SVIL: variants seen among roughly 807,000 people sequenced by gnomAD.
SVIL encodes the protein supervillin, also known as archvillin.
A neutral mutation model predicts 240.4 loss-of-function variants in SVIL; 101 were observed. That is an observed-to-expected ratio of 0.42 (90% CI 0.36 to 0.50). The LOEUF (loss-of-function observed/expected upper bound fraction) is 0.50, where lower values mean the gene tolerates loss of function less well. Ranked by LOEUF, SVIL falls within the 20% of genes least tolerant of loss-of-function variation. SVIL has a pLI of 0.01. For missense variants in SVIL, 2,512 were observed against 2,818.7 expected (o/e 0.89, Z 2.46); for synonymous variants, 999 against 1,100.0 (o/e 0.91, Z 1.82).
At chr10:29,545,853 C>CAAAA (rs755360700) in intron 6 of SVIL, among the ~76,000 whole-genome samples, 90 of 63,592 alleles carry the variant, frequency 1.4e-3, no homozygotes, top group African/African-American at 1.7e-3. Context: ...GACTCTGTCT[C>CAAAA]AAAAAAAAAA....
chr10:29,493,435 A>C (rs1948150637), intron 20 of SVIL, 44 bp from the exon 21 acceptor site: 1 of 1,603,644 alleles, frequency 6.2e-7, no homozygotes. Flanking sequence ...TATAAAAACA[A>C]GGACTCCAAT....
At chr10:29,531,001 C>T (rs1362807669) in intron 10 of SVIL, among the ~76,000 whole-genome samples, 1 of 152,168 alleles carries the variant, frequency 6.6e-6, no homozygotes, top group African/African-American at 2.4e-5. Flanking sequence ...ACAAGAAGAA[C>T]CTGCTCCTTT....
intron 20 of SVIL, among the ~76,000 whole-genome samples, chr10:29,494,218 A>G (rs1301179703): frequency 1.3e-5 from 2 of 152,230 alleles, no homozygotes; most frequent in Non-Finnish European, 2.9e-5. Context: ...GGATTTGGCA[A>G]TGGCCATCGT....
At chr10:29,557,404 G>A (rs533195534) in intron 3 of SVIL, among the ~76,000 whole-genome samples, 1 of 151,996 alleles carries the variant, frequency 6.6e-6, no homozygotes. Context: ...GGCCTAACAT[G>A]TCCCTTTTCT....
intron 3 of SVIL, among the ~76,000 whole-genome samples, chr10:29,562,769 GAAAAAAAAA>G (rs34507610): frequency 3.5e-5 from 4 of 115,718 alleles, no homozygotes; most frequent in Non-Finnish European, 7.0e-5. Context: ...TCAAAAAAAA[GAAAAAAAAA>G]AAAAAAAAAA....
upstream of SVIL, among the ~76,000 whole-genome samples, chr10:29,639,547 C>A (rs1958419317): frequency 6.7e-6 from 1 of 149,634 alleles, no homozygotes; most frequent in Admixed American, 6.7e-5. Flanking sequence ...CGGCTCACTG[C>A]AACCTTCACC....
Position 29,532,116 on chromosome 10 carries a change from C to T in SVIL, c.1895G>A (p.Arg632Gln), listed in dbSNP as rs780406686. 1.5e-5 allele frequency: 25 copies of T among 1,613,910 alleles called. No homozygotes were observed. The highest frequency in any genetic ancestry group is 6.7e-5 in the Admixed American group (4 of 60,002). The change falls in exon 9 of 38, where the codon CGG (arginine) becomes CAG (glutamine). Residue 632 changes from arginine to glutamine, a missense_variant. Physicochemically the swap from Arg to Gln is conservative, Grantham distance 43 (BLOSUM62 1). This residue lies in a region of SVIL where 1,443 missense variants were observed against 1,486.6 expected (regional missense o/e 0.97). Coordinates refer to ENST00000355867, the MANE Select transcript of SVIL (RefSeq NM_021738.3). Reference sequence around the variant, plus strand: ...TCTTGGTTTCCGGGACCCTCTCTCCCGTTCCACACCGGTGGGCAAGCCAGG... The same window carrying T: ...TCTTGGTTTCCGGGACCCTCTCTCCTGTTCCACACCGGTGGGCAAGCCAGG... ...EGPGLPTGVE[R>Q]ERGSRKPRRY...
intron 1 of SVIL, among the ~76,000 whole-genome samples, chr10:29,689,862 A>G (rs1262323169): frequency 2.6e-5 from 4 of 152,204 alleles, no homozygotes; most frequent in African/African-American, 9.6e-5. Context: ...ACACTGCAAA[A>G]CTTTCCCCCA....
intron 1 of SVIL, among the ~76,000 whole-genome samples, chr10:29,579,361 C>A (rs935057604): frequency 8.5e-5 from 13 of 152,076 alleles, no homozygotes; most frequent in Admixed American, 3.3e-4. Context: ...TGGCATGAAC[C>A]CCAGAGGTGG....
intron 3 of SVIL, among the ~76,000 whole-genome samples, chr10:29,642,153 C>CT (rs1216584657): frequency 6.6e-6 from 1 of 152,088 alleles, no homozygotes; most frequent in Admixed American, 6.6e-5. Flanking sequence ...AATCCCAGGA[C>CT]TTTGGGAGGC....
intron 17 of SVIL, among the ~76,000 whole-genome samples, chr10:29,502,946 A>G (rs1949015812): frequency 6.6e-6 from 1 of 152,250 alleles, no homozygotes; most frequent in Non-Finnish European, 1.5e-5. Context: ...AAGATGTATT[A>G]TAAGGATTAG....
intron 3 of SVIL, among the ~76,000 whole-genome samples, chr10:29,560,915 G>T (rs929691221): frequency 6.7e-6 from 1 of 148,556 alleles, no homozygotes. Context: ...CTTGGCTCAC[G>T]GCAACCTCCG....
chr10:29,655,272 T>A (rs2133021971), intron 3 of SVIL, among the ~76,000 whole-genome samples: 1 of 152,188 alleles, frequency 6.6e-6, no homozygotes, highest in South Asian at 2.1e-4. Context: ...GCCTCAAAAC[T>A]GGGGAAGTCA....
At chr10:29,682,827 T>A (rs576734776) in intron 2 of SVIL, among the ~76,000 whole-genome samples, 1 of 152,370 alleles carries the variant, frequency 6.6e-6, no homozygotes, top group South Asian at 2.1e-4. Flanking sequence ...ACTATTCACC[T>A]GTCCTCATAG....
chr10:29,636,527 C>A (rs1284269077), upstream of SVIL, among the ~76,000 whole-genome samples: 1 of 152,218 alleles, frequency 6.6e-6, no homozygotes, highest in Non-Finnish European at 1.5e-5. Context: ...ACACTGGAGT[C>A]TAATAGGGTA....
rs1433543384 is a variant in SVIL, at chr10:29,606,485, CTCTG to C, written c.-201+27931_-201+27934del. Among the ~76,000 whole-genome samples the C allele has an allele frequency of 2.0e-5, 3 of 152,186 alleles. 1 individual carries two copies. The highest frequency in any genetic ancestry group is 4.1e-4 in the South Asian group (2 of 4,836). On this transcript the variant is annotated intron_variant, in intron 1 of 37. Transcript: ENST00000355867. ...TCTTCTATCTCTTCTCTCTCTCTGACTCTGTCTCTCAACAAAATTATTTTAAAGT... is the reference window on the plus strand; with the variant it reads ...TCTTCTATCTCTTCTCTCTCTCTGACTCTCTCAACAAAATTATTTTAAAGT...
At chr10:29,507,706 G>C (rs1249179938) in intron 17 of SVIL, 2 of 959,364 alleles carry the variant, frequency 2.1e-6, no homozygotes, top group Non-Finnish European at 2.5e-6. Flanking sequence ...AGAAATTGCA[G>C]TGAGGCTTAA....
At chr10:29,547,571 T>A (rs978063002) in intron 6 of SVIL, among the ~76,000 whole-genome samples, 1 of 152,210 alleles carries the variant, frequency 6.6e-6, no homozygotes, top group Non-Finnish European at 1.5e-5. Context: ...CAGGCCTAAA[T>A]ATGTCAACAA....
intron 13 of SVIL, among the ~76,000 whole-genome samples, chr10:29,525,506 C>G (rs1033860528): frequency 2.6e-5 from 4 of 152,144 alleles, no homozygotes; most frequent in African/African-American, 9.7e-5. Context: ...CCCAGCTACT[C>G]AGGAGGCTGA....
Sources: allele counts gnomAD v4.1 joint callset (sites outside exome capture counted in the v4.1 genomes callset), GRCh38; gene constraint gnomAD v4.1.1; regional missense constraint gnomAD v4.1.1; transcripts MANE v1.5; gene names NCBI Gene and HGNC (gene_info 2026-07-23, HGNC 2026-07-21).